Variants in KDR observed in about 807,000 individuals in gnomAD.
KDR encodes the protein kinase insert domain receptor, also known as vascular endothelial growth factor receptor 2.
In KDR, 43 loss-of-function variants were observed where a neutral mutation model predicts 160.9. That is an observed-to-expected ratio of 0.27 (90% confidence interval 0.21 to 0.34). The LOEUF (loss-of-function observed/expected upper bound fraction) is 0.34. Among genes scored for constraint, KDR ranks in the 10% least tolerant of loss-of-function variants. KDR has a pLI of 1.00. For missense variants in KDR, 1,469 were observed against 1,666.4 expected (o/e 0.88, Z 2.06); for synonymous variants, 617 against 600.1 (o/e 1.03, Z -0.41).
At position 55,094,815 on chromosome 4, in the gene KDR, T is replaced by C. The variant is rs1264982888; in HGVS notation, c.2958A>G (p.Val986=). Residue 986 remains valine, a synonymous_variant, in exon 21 of 30, where the codon GTA becomes GTG. Transcript: ENST00000263923. ...ACTAGCCAGTACCTTCCTCTTCTTC[T>C]ACATCACTGAGGGACTTCTCCTCCA... ...GFVEEKSLSD[V]EEEEAPEDLY... 6.2e-7 allele frequency: 1 copy of C among 1,613,958 alleles called. No homozygotes were observed. Among genetic ancestry groups the C allele is most frequent in the South Asian group, 1.1e-5 (1 of 91,076 alleles).
At position 55,098,801 on chromosome 4, in the gene KDR, C is replaced by G. The variant is rs1293416103; in HGVS notation, c.2269G>C (p.Ala757Pro). ...ATTTCCAAGTTCGTCTTTTCCTGGG[C>G]ACCTGGAAAGACACAATTGAATGAG... is the stretch of plus-strand genomic sequence containing the variant. ...KVEAFFIIEG[A>P]QEKTNLEIII... The change falls in exon 16 of 30, where the codon GCC becomes CCC. Residue 757 changes from alanine to proline, a missense_variant and splice_region_variant. Physicochemically the swap from Ala to Pro is conservative, Grantham distance 27. Coordinates refer to ENST00000263923, the MANE Select transcript of KDR (RefSeq NM_002253.4). 2 of 1,603,152 alleles carry G rather than the reference C, an allele frequency of 1.2e-6. No homozygotes were observed. Among genetic ancestry groups the G allele is most frequent in the East Asian group, 4.5e-5 (2 of 44,788 alleles).
chr4:55,090,914 G>C (rs568505183), intron 22 of KDR, among the ~76,000 whole-genome samples: 1 of 147,058 alleles, frequency 6.8e-6, no homozygotes, highest in Non-Finnish European at 1.5e-5. Flanking sequence ...GAGTGCAGTG[G>C]TGCAATCTCA....
At position 55,098,777 on chromosome 4, in the gene KDR, T is replaced by C; in HGVS notation, c.2293A>G (p.Ile765Val). 1 of 1,613,152 alleles carries C rather than the reference T, an allele frequency of 6.2e-7. No individual in the cohort carries two copies. The highest frequency in any genetic ancestry group is 8.5e-7 in the Non-Finnish European group (1 of 1,179,320). The part of the protein sequence containing the change: ...EGAQEKTNLE[I>V]IILVGTAVIA... ...ACCGCCGTGCCTACTAGAATAATGA[T>C]TTCCAAGTTCGTCTTTTCCTGGGCA... The change falls in exon 16 of 30, where the codon ATC becomes GTC. Residue 765 changes from isoleucine to valine, a missense_variant. Ile to Val is a conservative substitution (Grantham distance 29). This residue lies in a region of KDR where 118 missense variants were observed against 110.8 expected (regional missense o/e 1.06). Transcript: ENST00000263923.
At chr4:55,122,589 T>C (rs913884302) in intron 1 of KDR, among the ~76,000 whole-genome samples, 4 of 152,212 alleles carry the variant, frequency 2.6e-5, no homozygotes, top group African/African-American at 9.6e-5. Context: ...AATAAGTGAC[T>C]GCACATGTTC....
intron 22 of KDR, 130 bp from the exon 23 acceptor site, chr4:55,090,208 C>A: frequency 1.0e-6 from 1 of 995,640 alleles, no homozygotes; most frequent in South Asian, 1.4e-5. Flanking sequence ...GGGTTAGTAT[C>A]TTTTATCAAC....
At chr4:55,097,633 G>A (rs767968684) in intron 18 of KDR, 29 bp downstream of exon 18, 11 of 1,377,874 alleles carry the variant, frequency 8.0e-6, no homozygotes, top group South Asian at 4.7e-5. Context: ...AAAACAGAAA[G>A]ATAGATCACC....
At chr4:55,094,710 C>A in intron 21 of KDR, 92 bp downstream of exon 21, 1 of 1,233,674 alleles carries the variant, frequency 8.1e-7, no homozygotes, top group Non-Finnish European at 1.2e-6. Flanking sequence ...TAGTATTGGA[C>A]TTTTCCCATG....
At chr4:55,107,698 A>G in intron 10 of KDR, 39 bp downstream of exon 10, 2 of 1,613,384 alleles carry the variant, frequency 1.2e-6, no homozygotes, top group Non-Finnish European at 1.7e-6. Context: ...TAAGAAATGC[A>G]AGATGGCAGG....
At chr4:55,114,010 T>C (rs891947773) in intron 6 of KDR, 116 bp downstream of exon 6, 8 of 999,552 alleles carry the variant, frequency 8.0e-6, no homozygotes, top group African/African-American at 1.6e-5. Context: ...TGTATGTGTG[T>C]GTGTTTAAGG....
At chr4:55,083,738 C>T (rs1719792590) in intron 27 of KDR, among the ~76,000 whole-genome samples, 1 of 152,074 alleles carries the variant, frequency 6.6e-6, no homozygotes, top group South Asian at 2.1e-4. Flanking sequence ...GCTGCATAGA[C>T]CTTGGGCCAA....
At position 55,079,845 on chromosome 4, in the gene KDR, T is replaced by C; in HGVS notation, c.*96A>G. The C allele has an allele frequency of 9.1e-7, 1 of 1,103,220 alleles. No homozygotes were observed. Among genetic ancestry groups the C allele is most frequent in the East Asian group, 2.3e-5 (1 of 42,566 alleles). 68.3% of individuals were successfully genotyped at this position (1,103,220 alleles called of 1,614,324 possible). ...TTCTGTTGTCGAAATGAAAATCAAA[T>C]GCGGCTACTTCCTGCTGGTGGAAAG... is the stretch of plus-strand genomic sequence containing the variant. On this transcript the variant is annotated 3_prime_UTR_variant, in exon 30 of 30. Transcript: ENST00000263923.
At position 55,108,055 on chromosome 4, in the gene KDR, G is replaced by A. The variant is rs1720487228; in HGVS notation, c.1256-162C>T. Among the ~76,000 whole-genome samples, 3 of 152,078 alleles carry A rather than the reference G, an allele frequency of 2.0e-5. No homozygotes were observed. The South Asian group carries it at 6.2e-4, about 32-fold the overall frequency. On this transcript the variant is annotated intron_variant, in intron 9 of 29. Transcript: ENST00000263923. ...GTGGAAACAAGAGACCTGAGTTCTA[G>A]TGATACTCATAAAAATAACAACTAG... is the stretch of plus-strand genomic sequence containing the variant.
intron 21 of KDR, among the ~76,000 whole-genome samples, chr4:55,094,275 C>A (rs1375809721): frequency 2.0e-5 from 3 of 151,862 alleles, no homozygotes; most frequent in Admixed American, 2.0e-4. Context: ...TTAATAAAGG[C>A]CAGGATATTT....
chr4:55,109,148 T>C (rs180713536), intron 9 of KDR, among the ~76,000 whole-genome samples: 97 of 152,108 alleles, frequency 6.4e-4, no homozygotes, highest in African/African-American at 2.2e-3. Flanking sequence ...AATGGTGCGA[T>C]CTCGGCTATC....
intron 10 of KDR, among the ~76,000 whole-genome samples, chr4:55,107,285 C>T (rs1720469543): frequency 6.6e-6 from 1 of 152,084 alleles, no homozygotes; most frequent in Admixed American, 6.6e-5. Context: ...CTAAGGATGT[C>T]TGGACTTGTG....
chr4:55,120,222 T>G (rs929250229), intron 2 of KDR, among the ~76,000 whole-genome samples: 1 of 152,170 alleles, frequency 6.6e-6, no homozygotes, highest in Non-Finnish European at 1.5e-5. Flanking sequence ...TCAACAAGTA[T>G]GAAGCAATGG....
At position 55,125,341 on chromosome 4, in the gene KDR, T is replaced by C. The variant is rs1721005199; in HGVS notation, c.-48A>G. ...ATGCCCAGAACTCGGGAGCCGGTTC[T>C]TTCTCCCAGCGCCTGTCTAGAGAAG... is the stretch of plus-strand genomic sequence containing the variant. On this transcript the variant is annotated 5_prime_UTR_variant, in exon 1 of 30. Coordinates refer to ENST00000263923, the MANE Select transcript of KDR (RefSeq NM_002253.4). The C allele has an allele frequency of 6.3e-7, 1 of 1,574,996 alleles. No individual in the cohort carries two copies.
chr4:55,106,340 G>A (rs1163899573), intron 11 of KDR, among the ~76,000 whole-genome samples: 1 of 152,108 alleles, frequency 6.6e-6, no homozygotes, highest in Non-Finnish European at 1.5e-5. Flanking sequence ...TAATTATGCT[G>A]CTGTGGAGCT....
chr4:55,091,947 T>C (rs1220232079), intron 22 of KDR, among the ~76,000 whole-genome samples: 1 of 152,236 alleles, frequency 6.6e-6, no homozygotes, highest in Non-Finnish European at 1.5e-5. Context: ...ATTTTAGCTC[T>C]TTTAATCGCT....
Sources: gnomAD v4.1 joint callset for allele counts (sites outside exome capture counted in the v4.1 genomes callset) on GRCh38, gnomAD v4.1.1 for gene constraint, gnomAD v4.1.1 regional missense constraint, MANE v1.5 for transcripts, NCBI Gene and HGNC (gene_info 2026-07-23, HGNC 2026-07-21) for gene names.